Variants in NRXN3 observed in about 807,000 individuals in gnomAD.
NRXN3 encodes neurexin III.
A neutral mutation model predicts 137.6 loss-of-function variants in NRXN3; 32 were observed. That is an observed-to-expected ratio of 0.23 (90% confidence interval 0.18 to 0.31). The LOEUF (loss-of-function observed/expected upper bound fraction) is 0.31. Among genes scored for constraint, NRXN3 ranks in the 10% least tolerant of loss-of-function variants. The probability of loss-of-function intolerance (pLI) is 1.00; values close to 1 mark genes in which losing one functional copy is unlikely to be tolerated. For missense variants in NRXN3, 1,574 were observed against 2,062.5 expected, an observed-to-expected ratio of 0.76 and a Z score of 4.59; for synonymous variants, 798 against 784.5, an observed-to-expected ratio of 1.02 and a Z score of -0.29.
chr14:79,074,947 C>T (rs1242615996), intron 15 of NRXN3, among the ~76,000 whole-genome samples: 1 of 152,170 alleles, frequency 6.6e-6, no homozygotes, highest in East Asian at 1.9e-4. Flanking sequence ...TGGGCACACT[C>T]CAGCCTCTGC....
chr14:79,668,368 A>G (rs919293431), intron 17 of NRXN3, among the ~76,000 whole-genome samples: 37 of 152,054 alleles, frequency 2.4e-4, no homozygotes, highest in Admixed American at 8.5e-4. Flanking sequence ...GCCTCACTCC[A>G]TCCTGTGAAG....
chr14:79,773,457 G>A (rs1303320870), intron 19 of NRXN3, among the ~76,000 whole-genome samples: 3 of 152,042 alleles, frequency 2.0e-5, no homozygotes, highest in African/African-American at 7.2e-5. Flanking sequence ...CATAAAAAAG[G>A]ATGAGTTCAT....
chr14:78,565,191 G>A (rs971447639), intron 4 of NRXN3, among the ~76,000 whole-genome samples: 2 of 152,170 alleles, frequency 1.3e-5, no homozygotes, highest in Non-Finnish European at 2.9e-5. Context: ...AGGAGTAAAT[G>A]AAAGCAAGGA....
At chr14:79,146,334 C>A (rs1163071830) in intron 15 of NRXN3, among the ~76,000 whole-genome samples, 1 of 152,080 alleles carries the variant, frequency 6.6e-6, no homozygotes, top group Non-Finnish European at 1.5e-5. Context: ...GGTAAGACAA[C>A]ACAACACCAA....
chr14:78,471,310 ACACACACACACACACACACACACC>A (rs1433459594), intron 4 of NRXN3, among the ~76,000 whole-genome samples: 1 of 64,320 alleles, frequency 1.6e-5, no homozygotes, highest in African/African-American at 5.5e-5. Context: ...ACACACACAC[ACACACACACACACACACACACACC>A]CCCAAGAAAT....
intron 15 of NRXN3, among the ~76,000 whole-genome samples, chr14:79,071,619 A>G (rs148575180): frequency 6.0e-4 from 91 of 152,294 alleles, no homozygotes; most frequent in Middle Eastern, 3.4e-3. Context: ...AATTTAAACA[A>G]TTGAACTCAT....
At chr14:79,018,628 A>G (rs2099583817) in intron 15 of NRXN3, among the ~76,000 whole-genome samples, 1 of 152,148 alleles carries the variant, frequency 6.6e-6, no homozygotes, top group Admixed American at 6.5e-5. Flanking sequence ...TAGGCCCCTA[A>G]TAAATATATG....
At chr14:78,869,612 CTCT>C (rs1186814131) in intron 10 of NRXN3, among the ~76,000 whole-genome samples, 1 of 152,230 alleles carries the variant, frequency 6.6e-6, no homozygotes, top group African/African-American at 2.4e-5. Flanking sequence ...ATACCTTTTC[CTCT>C]TCTTGTAATG....
At chr14:78,183,635 A>T (rs1595683140) in intron 1 of NRXN3, among the ~76,000 whole-genome samples, 1 of 152,160 alleles carries the variant, frequency 6.6e-6, no homozygotes, top group African/African-American at 2.4e-5. Context: ...GCACATGGGG[A>T]CAAGTGCCCC....
chr14:79,752,820 C>A (rs1286815660), intron 19 of NRXN3, among the ~76,000 whole-genome samples: 1 of 152,058 alleles, frequency 6.6e-6, no homozygotes, highest in East Asian at 1.9e-4. Context: ...ACCTACTCAT[C>A]TGACAAAGGG....
At chr14:79,415,465 GT>G (rs1472095768) in intron 15 of NRXN3, among the ~76,000 whole-genome samples, 3 of 152,186 alleles carry the variant, frequency 2.0e-5, no homozygotes, top group Admixed American at 2.0e-4. Flanking sequence ...ATATGCTTAG[GT>G]TTTATGCAAA....
chr14:78,473,748 G>A (rs992042481), intron 4 of NRXN3, among the ~76,000 whole-genome samples: 22 of 152,238 alleles, frequency 1.4e-4, no homozygotes, highest in African/African-American at 5.3e-4. Flanking sequence ...CTGAAGGCTT[G>A]ACTGGGGCCG....
At chr14:78,821,902 C>T (rs1264977372) in intron 10 of NRXN3, among the ~76,000 whole-genome samples, 1 of 152,140 alleles carries the variant, frequency 6.6e-6, no homozygotes, top group Non-Finnish European at 1.5e-5. Flanking sequence ...ACAAAACTTT[C>T]CGGTCATCAT....
At chr14:79,831,895 C>G (rs892935797) in intron 20 of NRXN3, among the ~76,000 whole-genome samples, 1 of 152,028 alleles carries the variant, frequency 6.6e-6, no homozygotes, top group African/African-American at 2.4e-5. Flanking sequence ...TGTGAGCCCC[C>G]CACGTTTATC....
rs78419827 is a variant in NRXN3, at chr14:79,038,412, A to C, written c.3262+50271A>C. Among the ~76,000 whole-genome samples the C allele has an allele frequency of 7.9e-5, 12 of 152,170 alleles. No homozygotes were observed. In the East Asian group the frequency reaches 1.9e-3, roughly 25 times the overall value. Reference sequence around the variant, plus strand: ...GGCCACTAACCCAAAGATCAAATGGATTGCTTTTTCAATTACAAAAACACA... The same window carrying C: ...GGCCACTAACCCAAAGATCAAATGGCTTGCTTTTTCAATTACAAAAACACA... On this transcript the variant is annotated intron_variant, in intron 15 of 20. Coordinates refer to ENST00000335750, the MANE Select transcript of NRXN3 (RefSeq NM_001330195.2).
intron 4 of NRXN3, among the ~76,000 whole-genome samples, chr14:78,443,026 A>G (rs2094308416): frequency 1.3e-5 from 2 of 152,170 alleles, no homozygotes; most frequent in Non-Finnish European, 2.9e-5. Flanking sequence ...CATACAGCAG[A>G]TGTGGTTGGG....
chr14:79,554,044 G>C (rs562988202), intron 16 of NRXN3, among the ~76,000 whole-genome samples: 71 of 152,254 alleles, frequency 4.7e-4, no homozygotes, highest in African/African-American at 1.6e-3. Context: ...GTTGTAATGC[G>C]CATTGTCTAT....
At chr14:79,376,210 GTATGTATATATATATA>G (rs1340021290) in intron 15 of NRXN3, among the ~76,000 whole-genome samples, 28 of 40,794 alleles carry the variant, frequency 6.9e-4, no homozygotes, top group African/African-American at 2.3e-3. Flanking sequence ...GTGTGTGTGT[GTATGTATATATATATA>G]TATATATATA....
At chr14:78,959,744 A>G (rs2099404457) in intron 11 of NRXN3, among the ~76,000 whole-genome samples, 1 of 152,168 alleles carries the variant, frequency 6.6e-6, no homozygotes, top group African/African-American at 2.4e-5. Context: ...AGCCAACCTG[A>G]ATTAATTATT....
Sources: allele counts gnomAD v4.1 joint callset (sites outside exome capture counted in the v4.1 genomes callset), GRCh38; gene constraint gnomAD v4.1.1; transcripts MANE v1.5; gene names NCBI Gene and HGNC (gene_info 2026-07-23, HGNC 2026-07-21).